The following DCLK1 variants were observed in gnomAD, a reference collection of about 807,000 sequenced individuals.
DCLK1 encodes the protein serine/threonine-protein kinase DCLK1.
In DCLK1, 16 loss-of-function variants were observed where a neutral mutation model predicts 86.2. The observed-to-expected ratio is 0.19, with a 90% confidence interval of 0.13 to 0.28. The LOEUF (loss-of-function observed/expected upper bound fraction) is 0.28. DCLK1 is among the 10% of genes least tolerant of loss of function. The probability of loss-of-function intolerance (pLI) is 1.00; values close to 1 mark genes in which losing one functional copy is unlikely to be tolerated. For missense variants in DCLK1, 590 were observed against 940.2 expected, an observed-to-expected ratio of 0.63 and a Z score of 4.87; for synonymous variants, 369 against 370.5, an observed-to-expected ratio of 1.00 and a Z score of 0.05.
chr13:35,993,519 A>G (rs1481295760), intron 3 of DCLK1, among the ~76,000 whole-genome samples: 1 of 152,136 alleles, frequency 6.6e-6, no homozygotes, highest in Non-Finnish European at 1.5e-5. Context: ...ACGTAGCATG[A>G]TTTGTCTTAG....
intron 4 of DCLK1, among the ~76,000 whole-genome samples, chr13:35,915,897 T>C (rs1875376995): frequency 6.6e-6 from 1 of 152,200 alleles, no homozygotes; most frequent in African/African-American, 2.4e-5. Flanking sequence ...CAGCTTTCTT[T>C]CAAAGCTCAT....
intron 3 of DCLK1, among the ~76,000 whole-genome samples, chr13:36,007,183 T>TATA (rs1213767527): frequency 6.6e-6 from 1 of 152,160 alleles, no homozygotes; most frequent in Non-Finnish European, 1.5e-5. Flanking sequence ...CTCAAAGCAA[T>TATA]TTTGAATAAC....
At chr13:35,813,662 A>G (rs371933593) in intron 11 of DCLK1, among the ~76,000 whole-genome samples, 2 of 151,982 alleles carry the variant, frequency 1.3e-5, no homozygotes, top group East Asian at 3.9e-4. Flanking sequence ...ACATAGAACC[A>G]TAATTGTGAT....
intron 16 of DCLK1, chr13:35,788,010 G>T: frequency 1.7e-6 from 1 of 582,984 alleles, no homozygotes. Context: ...AAGAAAGCTG[G>T]CAAATGTCAG....
intron 3 of DCLK1, among the ~76,000 whole-genome samples, chr13:36,014,709 C>T (rs182835530): frequency 3.3e-5 from 5 of 152,204 alleles, no homozygotes; most frequent in East Asian, 3.9e-4. Context: ...ATTAGTCTTA[C>T]AATAAGAACA....
Position 35,895,867 on chromosome 13 carries a change from C to T in DCLK1, c.824-24527G>A, listed in dbSNP as rs546700924. On this transcript the variant is annotated intron_variant, in intron 4 of 16. Coordinates refer to ENST00000360631, the MANE Select transcript of DCLK1 (RefSeq NM_001330071.2). ...ATGAATAAATTTTTAATAGAAAAAA[C>T]TATTACATCTACTACCAACAATATC... is the stretch of plus-strand genomic sequence containing the variant. Among the ~76,000 whole-genome samples the T allele has an allele frequency of 7.3e-5, 11 of 151,724 alleles. No individual in the cohort carries two copies. In the East Asian group the frequency reaches 2.1e-3, roughly 29 times the overall value.
chr13:35,869,625 T>G (rs965585062), intron 5 of DCLK1, among the ~76,000 whole-genome samples: 2 of 152,230 alleles, frequency 1.3e-5, no homozygotes, highest in Non-Finnish European at 2.9e-5. Context: ...TGCATTTACT[T>G]CCTTTCTGTT....
intron 5 of DCLK1, chr13:35,868,988 A>C: frequency 5.0e-6 from 2 of 404,006 alleles, no homozygotes; most frequent in Non-Finnish European, 1.0e-5. Flanking sequence ...ATGGGGTTTC[A>C]CTACATTGGC....
At chr13:35,958,281 A>ACTACTATAACCACCACCACCACCACCAC (rs1566621015) in intron 3 of DCLK1, among the ~76,000 whole-genome samples, 2 of 103,288 alleles carry the variant, frequency 1.9e-5, no homozygotes, top group Non-Finnish European at 4.1e-5. Context: ...TACCACCATC[A>ACTACTATAACCACCACCACCACCACCAC]CTGCCACTAT....
chr13:35,868,405 A>T (rs1256932619), intron 5 of DCLK1, among the ~76,000 whole-genome samples: 1 of 152,188 alleles, frequency 6.6e-6, no homozygotes, highest in Non-Finnish European at 1.5e-5. Context: ...TTTTCTTGGA[A>T]TATCTGTAAT....
chr13:35,938,647 C>T (rs1289530193), intron 4 of DCLK1, among the ~76,000 whole-genome samples: 1 of 151,194 alleles, frequency 6.6e-6, no homozygotes, highest in African/African-American at 2.4e-5. Flanking sequence ...AAAGCCCTAG[C>T]GGACAGTGGA....
At chr13:36,089,956 T>C (rs1405162212) in intron 3 of DCLK1, among the ~76,000 whole-genome samples, 1 of 152,198 alleles carries the variant, frequency 6.6e-6, no homozygotes, top group Admixed American at 6.5e-5. Context: ...GATGTGCGTT[T>C]GCAATTCCTA....
chr13:35,839,240 A>G (rs1869620484), intron 6 of DCLK1, 64 bp from the exon 7 acceptor site: 7 of 1,409,312 alleles, frequency 5.0e-6, no homozygotes, highest in Middle Eastern at 2.1e-4. Context: ...TCCAGGGACC[A>G]TGCCCAGCCC....
At chr13:35,839,033 G>A in intron 7 of DCLK1, 59 bp downstream of exon 7, 1 of 1,470,810 alleles carries the variant, frequency 6.8e-7, no homozygotes, top group Non-Finnish European at 9.3e-7. Context: ...CAGTTTCTTG[G>A]AGTAAATTTA....
chr13:35,964,080 T>C (rs1164063978), intron 3 of DCLK1, among the ~76,000 whole-genome samples: 1 of 152,226 alleles, frequency 6.6e-6, no homozygotes, highest in African/African-American at 2.4e-5. Flanking sequence ...GGACTATCTT[T>C]TTCAGATTAA....
At chr13:35,905,809 G>A (rs890846231) in intron 4 of DCLK1, among the ~76,000 whole-genome samples, 5 of 151,662 alleles carry the variant, frequency 3.3e-5, no homozygotes, top group Admixed American at 1.3e-4. Context: ...GTAGCCAGGT[G>A]TGGTGGTGTG....
At chr13:35,879,960 G>A (rs1013049888) in intron 4 of DCLK1, among the ~76,000 whole-genome samples, 8 of 152,050 alleles carry the variant, frequency 5.3e-5, no homozygotes, top group African/African-American at 1.9e-4. Context: ...TATTACCCCT[G>A]GTAGAGAACC....
intron 4 of DCLK1, among the ~76,000 whole-genome samples, chr13:35,929,181 G>A (rs756911983): frequency 2.6e-4 from 39 of 152,150 alleles, no homozygotes; most frequent in South Asian, 8.3e-4. Flanking sequence ...CACCTGCCTC[G>A]GCCTCCCAAA....
At chr13:35,780,309 T>A (rs553235145) in intron 16 of DCLK1, among the ~76,000 whole-genome samples, 119 of 152,338 alleles carry the variant, frequency 7.8e-4, no homozygotes, top group African/African-American at 2.6e-3. Context: ...ATTAGTTATT[T>A]TGTTCACAGT....
Sources: allele counts gnomAD v4.1 joint callset (sites outside exome capture counted in the v4.1 genomes callset), GRCh38; gene constraint gnomAD v4.1.1; transcripts MANE v1.5; gene names NCBI Gene and HGNC (gene_info 2026-07-23, HGNC 2026-07-21).